EPHA5: variants seen among roughly 807,000 people sequenced by gnomAD.
The protein encoded by EPHA5 is EPH receptor A5.
A neutral mutation model predicts 105.0 loss-of-function variants in EPHA5; 60 were observed. The observed-to-expected ratio is 0.57, with a 90% CI of 0.46 to 0.71. EPHA5 has a LOEUF of 0.71. Among genes scored for constraint, EPHA5 ranks in the 30% least tolerant of loss-of-function variants. EPHA5 has a pLI of 0.00. For missense variants in EPHA5, 1,218 were observed against 1,274.7 expected, an observed-to-expected ratio of 0.96 and a Z score of 0.68; for synonymous variants, 513 against 449.1, an observed-to-expected ratio of 1.14 and a Z score of -1.80.
intron 16 of EPHA5, among the ~76,000 whole-genome samples, chr4:65,325,958 T>C (rs1198742928): frequency 6.7e-6 from 1 of 150,328 alleles, no homozygotes; most frequent in African/African-American, 2.4e-5. Context: ...TCATTGTCAA[T>C]TTCCCCTTAG....
chr4:65,423,861 A>G (rs574002715), intron 5 of EPHA5, among the ~76,000 whole-genome samples: 1 of 152,066 alleles, frequency 6.6e-6, no homozygotes, highest in South Asian at 2.1e-4. Context: ...CTGAGGTGCC[A>G]TTGCTTCTAA....
chr4:65,446,218 A>C (rs1171342143), intron 5 of EPHA5, among the ~76,000 whole-genome samples: 1 of 152,224 alleles, frequency 6.6e-6, no homozygotes, highest in Non-Finnish European at 1.5e-5. Context: ...ATTATTTTTA[A>C]AACTTGGTAT....
intron 3 of EPHA5, among the ~76,000 whole-genome samples, chr4:65,544,841 TA>T (rs1482522318): frequency 1.3e-5 from 2 of 151,760 alleles, no homozygotes; most frequent in African/African-American, 4.8e-5. Context: ...CCATCATTCA[TA>T]GACTGGATAA....
Position 65,601,652 on chromosome 4 carries a change from C to G in EPHA5, c.899G>C (p.Gly300Ala), listed in dbSNP as rs778192399. 2 of 1,612,784 alleles carry G rather than the reference C, an allele frequency of 1.2e-6. No individual in the cohort carries two copies. Among genetic ancestry groups the G allele is most frequent in the South Asian group, 2.2e-5 (2 of 91,050 alleles). ...MCKAGYEEKN[G>A]TCQVCRPGFF... ...AGGCAAACTCTTACCTTGACAGGTG[C>G]CATTTTTCTCTTCATATCCTGCCTT... Residue 300 changes from glycine (G) to alanine (A), a missense_variant, in exon 3 of 17, where the codon GGC (glycine) becomes GCC (alanine). Physicochemically the swap from Gly to Ala is moderately conservative, Grantham distance 60 (BLOSUM62 0). Coordinates refer to ENST00000613740, the MANE Select transcript of EPHA5 (RefSeq NM_001281766.3).
intron 2 of EPHA5, among the ~76,000 whole-genome samples, chr4:65,615,114 G>A (rs1218313747): frequency 6.6e-6 from 1 of 151,396 alleles, no homozygotes; most frequent in African/African-American, 2.4e-5. Flanking sequence ...AAATGAACTG[G>A]AAAAATACAC....
intron 8 of EPHA5, among the ~76,000 whole-genome samples, chr4:65,385,236 G>C (rs1294149083): frequency 6.6e-6 from 1 of 151,668 alleles, no homozygotes; most frequent in Non-Finnish European, 1.5e-5. Context: ...AAGAAAATAA[G>C]TAAAAGAAAC....
rs1723199328 is a variant in EPHA5, at chr4:65,414,418, A to G, written c.1553T>C (p.Ile518Thr). ...EKDQETSYTI[I>T]KSKETTITAE... is the part of the protein sequence containing the mutation. ...AGTAATAGTTGTCTCTTTAGATTTG[A>G]TAATCGTGTAGCTGGTCTCTTGGTC... The change falls in exon 7 of 17, where the codon ATC becomes ACC. Residue 518 changes from isoleucine (I) to threonine (T), a missense_variant. Ile to Thr is a moderately conservative substitution (Grantham distance 89). Transcript: ENST00000613740. The G allele has an allele frequency of 6.2e-7, 1 of 1,613,972 alleles. No individual in the cohort carries two copies. Among genetic ancestry groups the G allele is most frequent in the African/African-American group, 1.3e-5 (1 of 75,040 alleles).
intron 3 of EPHA5, among the ~76,000 whole-genome samples, chr4:65,573,036 G>GA (rs998469925): frequency 5.3e-5 from 8 of 150,908 alleles, no homozygotes; most frequent in African/African-American, 1.7e-4. Flanking sequence ...GTCTCAAAAA[G>GA]AAAAAAAAGA....
intron 5 of EPHA5, among the ~76,000 whole-genome samples, chr4:65,487,019 G>A (rs1055868076): frequency 2.0e-5 from 3 of 152,120 alleles, no homozygotes; most frequent in Admixed American, 2.0e-4. Flanking sequence ...TCCTGCTCTC[G>A]CCATGTGAGA....
chr4:65,546,738 C>T (rs536371859), intron 3 of EPHA5, among the ~76,000 whole-genome samples: 17 of 151,952 alleles, frequency 1.1e-4, no homozygotes, highest in Non-Finnish European at 2.5e-4. Flanking sequence ...ACAATGTCTG[C>T]GAACTTCAAG....
chr4:65,533,443 A>G (rs2149306844), intron 3 of EPHA5, among the ~76,000 whole-genome samples: 1 of 152,242 alleles, frequency 6.6e-6, no homozygotes, highest in East Asian at 1.9e-4. Flanking sequence ...AAAGTGACAC[A>G]CAAAAATGGA....
intron 1 of EPHA5, among the ~76,000 whole-genome samples, chr4:65,662,965 C>T (rs1749675896): frequency 6.6e-6 from 1 of 152,038 alleles, no homozygotes; most frequent in African/African-American, 2.4e-5. Flanking sequence ...CTGAGAGACA[C>T]AGAGGAAAGA....
intron 8 of EPHA5, among the ~76,000 whole-genome samples, chr4:65,390,005 C>A (rs976468073): frequency 4.6e-5 from 7 of 152,006 alleles, no homozygotes; most frequent in Non-Finnish European, 1.0e-4. Context: ...AACTATATTT[C>A]TTGGCTTTCA....
At chr4:65,476,329 T>C (rs1473103794) in intron 5 of EPHA5, among the ~76,000 whole-genome samples, 1 of 152,082 alleles carries the variant, frequency 6.6e-6, no homozygotes, top group African/African-American at 2.4e-5. Context: ...AATTTATCTC[T>C]AGAATGGGTT....
At chr4:65,536,395 T>A (rs76608428) in intron 3 of EPHA5, among the ~76,000 whole-genome samples, 2,506 of 152,054 alleles carry the variant, frequency 0.016, 63 homozygotes, top group African/African-American at 0.057. Flanking sequence ...AAGCAAATTC[T>A]TATTTTCTTA....
intron 2 of EPHA5, among the ~76,000 whole-genome samples, chr4:65,635,561 C>T (rs1209340667): frequency 6.6e-6 from 1 of 151,902 alleles, no homozygotes; most frequent in East Asian, 1.9e-4. Context: ...GCAAAGGAGG[C>T]AGGTGTATCT....
intron 5 of EPHA5, among the ~76,000 whole-genome samples, chr4:65,461,844 G>T (rs1046460799): frequency 6.6e-5 from 10 of 151,942 alleles, no homozygotes; most frequent in Admixed American, 5.9e-4. Context: ...AATATAAAAA[G>T]GAGAAAAATG....
chr4:65,593,117 G>A (rs1315919436), intron 3 of EPHA5, among the ~76,000 whole-genome samples: 1 of 152,024 alleles, frequency 6.6e-6, no homozygotes, highest in East Asian at 1.9e-4. Flanking sequence ...GTCTATTTAT[G>A]ATAATGGGAT....
intron 3 of EPHA5, among the ~76,000 whole-genome samples, chr4:65,589,244 A>C (rs967063536): frequency 7.9e-6 from 1 of 127,308 alleles, no homozygotes; most frequent in African/African-American, 3.3e-5. Context: ...CTGCTAACAG[A>C]CGTTTTTTTT....
Sources: allele counts gnomAD v4.1 joint callset (sites outside exome capture counted in the v4.1 genomes callset), GRCh38; gene constraint gnomAD v4.1.1; transcripts MANE v1.5; gene names NCBI Gene and HGNC (gene_info 2026-07-23, HGNC 2026-07-21).